The following MEIS2 variants were observed in gnomAD, a reference collection of about 807,000 sequenced individuals.
MEIS2 encodes Meis homeobox 2, also known as homeobox protein Meis2.
A neutral mutation model predicts 58.6 loss-of-function variants in MEIS2; 9 were observed. The observed-to-expected ratio is 0.15, with a 90% CI of 0.09 to 0.27. MEIS2 has a LOEUF of 0.27. MEIS2 is among the 10% of genes least tolerant of loss of function. MEIS2 has a pLI of 1.00. For missense variants in MEIS2, 427 were observed against 635.0 expected (o/e 0.67, Z 3.52); for synonymous variants, 221 against 228.4 (o/e 0.97, Z 0.29).
chr15:36,984,138 C>G (rs1206096265), intron 8 of MEIS2, among the ~76,000 whole-genome samples: 1 of 151,816 alleles, frequency 6.6e-6, no homozygotes, highest in African/African-American at 2.4e-5. Flanking sequence ...TCTTTTATTT[C>G]TTTTTCTTGC....
chr15:37,021,975 C>T (rs2204212), intron 8 of MEIS2, among the ~76,000 whole-genome samples: 50,085 of 151,968 alleles, frequency 0.33, 10,220 homozygotes, highest in East Asian at 0.6. Flanking sequence ...AATGGTTACA[C>T]AGTAGTCCAT....
chr15:37,036,106 T>C (rs2062141003), intron 8 of MEIS2, among the ~76,000 whole-genome samples: 1 of 152,200 alleles, frequency 6.6e-6, no homozygotes, highest in South Asian at 2.1e-4. Context: ...ACAGTATGTA[T>C]CCACACATAC....
At chr15:37,004,201 A>G (rs931871803) in intron 8 of MEIS2, among the ~76,000 whole-genome samples, 1 of 152,212 alleles carries the variant, frequency 6.6e-6, no homozygotes, top group Non-Finnish European at 1.5e-5. Flanking sequence ...ATACTTTTAA[A>G]CAGGTTATGA....
intron 7 of MEIS2, among the ~76,000 whole-genome samples, chr15:37,060,438 T>C (rs1017402356): frequency 1.3e-5 from 2 of 152,116 alleles, no homozygotes; most frequent in African/African-American, 4.8e-5. Context: ...TATCATGGAG[T>C]GTTCAATTAA....
chr15:37,006,272 A>T (rs914345517), intron 8 of MEIS2, among the ~76,000 whole-genome samples: 4 of 152,228 alleles, frequency 2.6e-5, no homozygotes, highest in East Asian at 3.8e-4. Context: ...AGTAAAGATA[A>T]TTAGCTATAA....
At chr15:37,060,229 A>ATTTCT (rs1889027135) in intron 7 of MEIS2, among the ~76,000 whole-genome samples, 1 of 152,068 alleles carries the variant, frequency 6.6e-6, no homozygotes. Flanking sequence ...GCATGAGCAA[A>ATTTCT]CTCTCTAAGA....
chr15:36,946,876 C>G (rs992201176), intron 9 of MEIS2, among the ~76,000 whole-genome samples: 3 of 152,010 alleles, frequency 2.0e-5, no homozygotes, highest in African/African-American at 7.2e-5. Context: ...TGACTGCTTA[C>G]CCATCATGCT....
intron 8 of MEIS2, among the ~76,000 whole-genome samples, chr15:36,958,774 A>C (rs2059080057): frequency 6.6e-6 from 1 of 152,204 alleles, no homozygotes; most frequent in African/African-American, 2.4e-5. Context: ...TATGCTGCCT[A>C]CATGGCTAAT....
intron 7 of MEIS2, among the ~76,000 whole-genome samples, chr15:37,074,484 A>T (rs976457353): frequency 6.6e-5 from 10 of 152,052 alleles, no homozygotes; most frequent in Non-Finnish European, 1.2e-4. Flanking sequence ...AAGACCCATG[A>T]ATGGAAACAT....
At chr15:37,042,894 T>G (rs2062489231) in intron 7 of MEIS2, among the ~76,000 whole-genome samples, 1 of 152,228 alleles carries the variant, frequency 6.6e-6, no homozygotes, top group African/African-American at 2.4e-5. Flanking sequence ...TACCAATATT[T>G]GAGCCTACTG....
intron 8 of MEIS2, among the ~76,000 whole-genome samples, chr15:37,025,753 CAA>C (rs35154978): frequency 1.9e-4 from 18 of 96,788 alleles, no homozygotes; most frequent in Non-Finnish European, 1.7e-4. Flanking sequence ...ACTTGCTCTG[CAA>C]AAAAAAAAAA....
intron 7 of MEIS2, among the ~76,000 whole-genome samples, chr15:37,082,636 G>A (rs1892383936): frequency 6.6e-6 from 1 of 152,138 alleles, no homozygotes; most frequent in African/African-American, 2.4e-5. Flanking sequence ...CAAGTTGCAA[G>A]TTCTTCCATA....
chr15:36,962,673 A>G (rs1293862746), intron 8 of MEIS2, among the ~76,000 whole-genome samples: 2 of 152,192 alleles, frequency 1.3e-5, no homozygotes, highest in African/African-American at 4.8e-5. Context: ...GTTTAAAGGT[A>G]TCTTGGCTAC....
At chr15:37,047,821 C>A (rs530182709) in intron 7 of MEIS2, among the ~76,000 whole-genome samples, 1 of 152,166 alleles carries the variant, frequency 6.6e-6, no homozygotes, top group African/African-American at 2.4e-5. Context: ...AATTTTGGCA[C>A]CTTTGCTAGA....
chr15:36,889,852 G>A lies in MEIS2; in HGVS notation c.*2321C>T, dbSNP rs1016981608. On this transcript the variant is annotated 3_prime_UTR_variant, in exon 12 of 12. Transcript: ENST00000561208. The stretch of plus-strand genomic sequence containing the variant: ...ATGTAAAATAGAATAGCAAAAATGA[G>A]AGGGAAGCTATCTCTCTTTCCCAAG... 19 of 152,142 alleles carry A rather than the reference G, an allele frequency of 1.2e-4. No individual in the cohort carries two copies. The highest frequency in any genetic ancestry group is 4.3e-4 in the African/African-American group (18 of 41,420). 9.4% of individuals were successfully genotyped at this position (152,142 alleles called of 1,614,324 possible).
chr15:36,900,795 T>C (rs1400583695), intron 9 of MEIS2, among the ~76,000 whole-genome samples: 1 of 152,246 alleles, frequency 6.6e-6, no homozygotes, highest in Non-Finnish European at 1.5e-5. Context: ...CGAAGTATGG[T>C]TCAGATTGAT....
intron 1 of MEIS2, 183 bp from the exon 2 acceptor site, chr15:37,098,382 GAGAGAGAGAGAGAGAGA>G: frequency 5.4e-6 from 3 of 557,178 alleles, no homozygotes; most frequent in South Asian, 2.1e-4. Context: ...GAGAGGGGGA[GAGAGAGAGAGAGAGAGA>G]GAGAGAGAGA....
At chr15:36,984,794 A>G (rs1021329768) in intron 8 of MEIS2, among the ~76,000 whole-genome samples, 2 of 151,900 alleles carry the variant, frequency 1.3e-5, no homozygotes, top group African/African-American at 4.8e-5. Context: ...CAGGTTTTCT[A>G]CCTCTTCATG....
chr15:36,892,699 C>T (rs1014940603), intron 11 of MEIS2, among the ~76,000 whole-genome samples: 1 of 152,124 alleles, frequency 6.6e-6, no homozygotes, highest in South Asian at 2.1e-4. Context: ...AACTAAATGT[C>T]ATAAAGTGGA....
Sources: allele counts gnomAD v4.1 joint callset (sites outside exome capture counted in the v4.1 genomes callset), GRCh38; gene constraint gnomAD v4.1.1; transcripts MANE v1.5; gene names NCBI Gene and HGNC (gene_info 2026-07-23, HGNC 2026-07-21).